Variants in BCAS3 observed in about 807,000 individuals in gnomAD.
The protein encoded by BCAS3 is BCAS4/BCAS3 fusion.
BCAS3 carries 53 observed loss-of-function variants against 116.1 expected under a neutral mutation model. The observed-to-expected ratio is 0.46, with a 90% CI of 0.37 to 0.57. The LOEUF is 0.57. Among genes scored for constraint, BCAS3 ranks in the 20% least tolerant of loss-of-function variants. BCAS3 has a pLI of 0.00. For missense variants in BCAS3, 917 were observed against 1,165.4 expected (o/e 0.79, Z 3.10); for synonymous variants, 391 against 408.2 (o/e 0.96, Z 0.51).
chr17:61,081,646 C>A (rs1050148780), intron 21 of BCAS3, among the ~76,000 whole-genome samples: 7 of 152,120 alleles, frequency 4.6e-5, no homozygotes, highest in African/African-American at 1.7e-4. Context: ...TTGGTTGGGA[C>A]CTTGGCTAAG....
intron 6 of BCAS3, among the ~76,000 whole-genome samples, chr17:60,772,172 A>G (rs1207116046): frequency 1.3e-5 from 2 of 152,228 alleles, no homozygotes; most frequent in African/African-American, 4.8e-5. Flanking sequence ...GCTTCCACCA[A>G]CAGTGTAAAA....
intron 7 of BCAS3, among the ~76,000 whole-genome samples, chr17:60,808,467 C>T (rs1396934137): frequency 6.6e-6 from 1 of 152,184 alleles, no homozygotes; most frequent in Non-Finnish European, 1.5e-5. Context: ...GTCTTGGCCT[C>T]ATGCTTTCAG....
At position 61,181,737 on chromosome 17, in the gene BCAS3, A is replaced by G. The variant is rs994330887; in HGVS notation, c.2425+97173A>G. Among the ~76,000 whole-genome samples, 4 of 152,158 alleles carry G rather than the reference A, an allele frequency of 2.6e-5. No homozygotes were observed. The highest frequency in any genetic ancestry group is 9.7e-5 in the African/African-American group (4 of 41,438). ...AATCAAAATAAATAGAAGCTCCACC[A>G]TGATTTTTTTCATTGTCTGCTGTAA... On this transcript the variant is annotated intron_variant, in intron 22 of 23. Transcript: ENST00000407086. This position sits in a 1 kb window ranked among gnomAD's most constrained non-coding sequence, Gnocchi z 5.0.
At chr17:61,031,793 C>T (rs1469483109) in intron 16 of BCAS3, among the ~76,000 whole-genome samples, 1 of 151,798 alleles carries the variant, frequency 6.6e-6, no homozygotes, top group East Asian at 1.9e-4. Flanking sequence ...AAATTTAAGG[C>T]CCTATCAGAG....
chr17:61,076,657 G>A (rs8077816), intron 20 of BCAS3, among the ~76,000 whole-genome samples: 21,586 of 152,116 alleles, frequency 0.14, 4,780 homozygotes, highest in African/African-American at 0.47. Context: ...TGTTTGTCCG[G>A]CACACAACAG....
At position 61,013,797 on chromosome 17, in the gene BCAS3, T is replaced by C. The variant is rs2145524548; in HGVS notation, c.1487-1954T>C. Among the ~76,000 whole-genome samples the C allele has an allele frequency of 6.6e-6, 1 of 152,280 alleles. No homozygotes were observed. Among genetic ancestry groups the C allele is most frequent in the East Asian group, 1.9e-4 (1 of 5,190 alleles). ...AGTTCTATAGAGTAATATAAAAGGATAGATTTGTGTCCAAGGAAGAAGTAA... is the reference window on the plus strand; with the variant it reads ...AGTTCTATAGAGTAATATAAAAGGACAGATTTGTGTCCAAGGAAGAAGTAA... On this transcript the variant is annotated intron_variant, in intron 15 of 23. Transcript: ENST00000407086. This position sits in a 1 kb window ranked among gnomAD's most constrained non-coding sequence, Gnocchi z 4.4.
chr17:60,845,933 A>AT lies in BCAS3; in HGVS notation c.477-22630dup, dbSNP rs1052170240. Among the ~76,000 whole-genome samples the AT allele has an allele frequency of 2.0e-3, 274 of 140,428 alleles. 1 individual carries two copies. Among genetic ancestry groups the AT allele is most frequent in the Admixed American group, 3.9e-3 (54 of 14,020 alleles). 92.1% of individuals were successfully genotyped at this position (140,428 alleles called of 152,430 possible). A position where few individuals can be genotyped will look rare whatever the true frequency, so the allele number is the denominator to read the frequency against. On this transcript the variant is annotated intron_variant, in intron 7 of 23. Coordinates refer to ENST00000407086, the MANE Select transcript of BCAS3 (RefSeq NM_017679.5). ...AGGTATGTACCACTGTACCTGGCTA[A>AT]TTTTTTTTTTTTTGAGACTTAGTCT...
intron 10 of BCAS3, among the ~76,000 whole-genome samples, chr17:60,890,085 T>C (rs186776655): frequency 6.6e-6 from 1 of 152,346 alleles, no homozygotes; most frequent in African/African-American, 2.4e-5. Flanking sequence ...AAAGTAGTTT[T>C]TGACTTTTTA....
chr17:61,349,781 A>C lies in BCAS3; in HGVS notation c.2426-18546A>C, dbSNP rs993854985. The stretch of plus-strand genomic sequence containing the variant: ...CACTGCTTCATGTCCCCAGCAGTGG[A>C]ATTCTTGAAGAATGTTTAATACATC... On this transcript the variant is annotated intron_variant, in intron 22 of 23. Transcript: ENST00000407086. The surrounding 1 kb of genome is among the most constrained non-coding windows in gnomAD (Gnocchi z 4.7). Among the ~76,000 whole-genome samples, 1 of 152,242 alleles carries C rather than the reference A, an allele frequency of 6.6e-6. No individual in the cohort carries two copies. Among genetic ancestry groups the C allele is most frequent in the Non-Finnish European group, 1.5e-5 (1 of 68,048 alleles).
At chr17:61,311,992 A>T (rs1307944733) in intron 22 of BCAS3, among the ~76,000 whole-genome samples, 1 of 152,354 alleles carries the variant, frequency 6.6e-6, no homozygotes, top group African/African-American at 2.4e-5. Context: ...GTCATGCCAC[A>T]TCTCAACCTC....
intron 22 of BCAS3, among the ~76,000 whole-genome samples, chr17:61,177,526 T>C (rs904460046): frequency 6.6e-6 from 1 of 152,122 alleles, no homozygotes; most frequent in Non-Finnish European, 1.5e-5. Context: ...AAGCAAGAAG[T>C]GGTTTCCTGG....
In BCAS3 at chr17:60,947,395, A is replaced by G. The variant is rs185345545; in HGVS notation, c.1221+43A>G. The G allele has an allele frequency of 3.3e-4, 513 of 1,576,274 alleles. 4 individuals carry two copies. In the African/African-American group the frequency reaches 6.0e-3, roughly 19 times the overall value. ...TCAGAAGGCGATTTCTTGGTGTAAT[A>G]TGACATCTACTCTAGCTGGTCATTT... On this transcript the variant is annotated intron_variant, in intron 14 of 23. Transcript: ENST00000407086.
chr17:60,683,914 A>T, intron 2 of BCAS3, 68 bp from the exon 3 acceptor site: 3 of 1,325,868 alleles, frequency 2.3e-6, no homozygotes, highest in Non-Finnish European at 3.2e-6. Context: ...AAGGCTTGTA[A>T]ATAGAGCTTT....
intron 22 of BCAS3, among the ~76,000 whole-genome samples, chr17:61,245,574 A>G (rs774410757): frequency 5.3e-5 from 8 of 152,000 alleles, no homozygotes; most frequent in Non-Finnish European, 1.0e-4. Flanking sequence ...TCATTTTAAA[A>G]AGTGAAAAGT....
intron 7 of BCAS3, among the ~76,000 whole-genome samples, chr17:60,839,966 T>C (rs2051740482): frequency 6.6e-6 from 1 of 151,890 alleles, no homozygotes; most frequent in African/African-American, 2.4e-5. Context: ...TAAAGGAAAA[T>C]GGTATTAATG....
intron 5 of BCAS3, 43 bp from the exon 6 acceptor site, chr17:60,747,155 C>A: frequency 1.4e-6 from 2 of 1,402,402 alleles, no homozygotes; most frequent in Non-Finnish European, 2.0e-6. Flanking sequence ...CTGTTGTGAC[C>A]TTCATTTTCC....
Position 61,324,217 on chromosome 17 carries a change from A to G in BCAS3, c.2426-44110A>G, listed in dbSNP as rs1011758561. Among the ~76,000 whole-genome samples the G allele has an allele frequency of 3.3e-5, 5 of 152,210 alleles. No individual in the cohort carries two copies. The highest frequency in any genetic ancestry group is 5.9e-5 in the Non-Finnish European group (4 of 68,030). ...CAGACATATGCTAAGCACTCGAGAAATGTTTCAATCAGTGAGTGAATTAGA... is the reference window on the plus strand; with the variant it reads ...CAGACATATGCTAAGCACTCGAGAAGTGTTTCAATCAGTGAGTGAATTAGA... On this transcript the variant is annotated intron_variant, in intron 22 of 23. Coordinates refer to ENST00000407086, the MANE Select transcript of BCAS3 (RefSeq NM_017679.5). This position sits in a 1 kb window ranked among gnomAD's most constrained non-coding sequence, Gnocchi z 4.6.
intron 22 of BCAS3, among the ~76,000 whole-genome samples, chr17:61,254,682 T>TA (rs2048636068): frequency 6.8e-6 from 1 of 148,088 alleles, no homozygotes; most frequent in Non-Finnish European, 1.5e-5. Flanking sequence ...GAGGCTGAGG[T>TA]AAGAGAATCA....
intron 22 of BCAS3, among the ~76,000 whole-genome samples, chr17:61,236,378 G>A (rs569195741): frequency 4.9e-4 from 75 of 152,258 alleles, no homozygotes; most frequent in Non-Finnish European, 8.5e-4. Context: ...GGAGTGCAGC[G>A]GTGTGATCTC....
Sources: allele counts gnomAD v4.1 joint callset (sites outside exome capture counted in the v4.1 genomes callset), GRCh38; gene constraint gnomAD v4.1.1; non-coding constraint Gnocchi (gnomAD v3.1); transcripts MANE v1.5; gene names NCBI Gene and HGNC (gene_info 2026-07-23, HGNC 2026-07-21).